The following FMNL2 variants were observed in gnomAD, a reference collection of about 807,000 sequenced individuals.
The protein encoded by FMNL2 is formin like 2, also known as formin-like protein 2.
FMNL2 carries 51 observed loss-of-function variants against 130.2 expected under a neutral mutation model. The observed-to-expected ratio is 0.39, with a 90% confidence interval of 0.31 to 0.49. The LOEUF (loss-of-function observed/expected upper bound fraction) is 0.49, where lower values mean the gene tolerates loss of function less well. Ranked by LOEUF, FMNL2 falls within the 20% of genes least tolerant of loss-of-function variation. The pLI is 0.85. For synonymous variants in FMNL2, 465 were observed against 467.1 expected, an observed-to-expected ratio of 1.00 and a Z score of 0.06; for missense variants, 977 against 1,316.2, an observed-to-expected ratio of 0.74 and a Z score of 3.99.
At chr2:152,390,656 A>G (rs1685059864) in intron 1 of FMNL2, 1 of 811,568 alleles carries the variant, frequency 1.2e-6, no homozygotes, top group African/African-American at 1.7e-5. Flanking sequence ...TTCCTCCCTG[A>G]ACTCTTGGGG....
chr2:152,557,933 G>A (rs1447486376), intron 4 of FMNL2, among the ~76,000 whole-genome samples: 1 of 152,134 alleles, frequency 6.6e-6, no homozygotes, highest in Non-Finnish European at 1.5e-5. Context: ...GTTTGAAGAT[G>A]AATGCACTGG....
rs571085853 is a variant in FMNL2, at chr2:152,645,811, A to C, written c.3170-1985A>C. On this transcript the variant is annotated intron_variant, in intron 25 of 25. Transcript: ENST00000288670. ...TCTTGGCCTTTGAGTTACTCAGTTA[A>C]ACCCATTTTGATCTGAAGCGACTGA... is the stretch of plus-strand genomic sequence containing the variant. 3.2e-4 allele frequency among the ~76,000 whole-genome samples: 48 copies of C among 152,280 alleles called. 1 individual carries two copies. The highest frequency in any genetic ancestry group is 6.6e-4 in the Non-Finnish European group (45 of 68,018).
chr2:152,543,329 C>T (rs1694419054), intron 3 of FMNL2, among the ~76,000 whole-genome samples: 1 of 150,854 alleles, frequency 6.6e-6, no homozygotes, highest in Admixed American at 6.6e-5. Context: ...CCATTCTCAA[C>T]AGACTCTCCC....
At chr2:152,363,856 C>T (rs1021472673) in intron 1 of FMNL2, among the ~76,000 whole-genome samples, 2 of 152,202 alleles carry the variant, frequency 1.3e-5, no homozygotes, top group African/African-American at 4.8e-5. Context: ...AGCCACTGTG[C>T]CCGACTGCAG....
At chr2:152,568,224 T>TTTTTTTTTGTTTTGTTTTTGC (rs1317082047) in intron 6 of FMNL2, among the ~76,000 whole-genome samples, 1 of 28,634 alleles carries the variant, frequency 3.5e-5, no homozygotes, top group South Asian at 1.0e-3. Flanking sequence ...GTGGGTTTTT[T>TTTTTTTTTGTTTTGTTTTTGC]TTTTTTTTTG....
intron 1 of FMNL2, among the ~76,000 whole-genome samples, chr2:152,502,481 G>C (rs898985900): frequency 2.0e-4 from 30 of 152,234 alleles, no homozygotes; most frequent in Non-Finnish European, 3.4e-4. Context: ...GAGGTCAGGA[G>C]TCTGAGACCA....
intron 1 of FMNL2, among the ~76,000 whole-genome samples, chr2:152,336,094 AAAC>A (rs1288882242): frequency 1.6e-4 from 20 of 126,294 alleles, no homozygotes; most frequent in African/African-American, 5.8e-4. Context: ...TTTTTAAAAA[AAAC>A]AAAACAAAAC....
At chr2:152,512,174 G>A (rs1299644846) in intron 1 of FMNL2, among the ~76,000 whole-genome samples, 2 of 152,066 alleles carry the variant, frequency 1.3e-5, no homozygotes, top group African/African-American at 4.8e-5. Context: ...CACAGCTCCT[G>A]GCACAGCAGT....
At chr2:152,525,768 A>G (rs1353375866) in intron 2 of FMNL2, among the ~76,000 whole-genome samples, 2 of 152,146 alleles carry the variant, frequency 1.3e-5, no homozygotes, top group Non-Finnish European at 2.9e-5. Context: ...GTCCTGATCT[A>G]GGGAAGGGGA....
chr2:152,527,410 C>T (rs1390051882), intron 2 of FMNL2, among the ~76,000 whole-genome samples: 2 of 152,066 alleles, frequency 1.3e-5, no homozygotes, highest in Non-Finnish European at 2.9e-5. Flanking sequence ...GGTTTGAAAC[C>T]AATTGATAAT....
intron 9 of FMNL2, among the ~76,000 whole-genome samples, chr2:152,582,756 A>G (rs886373737): frequency 6.6e-6 from 1 of 152,216 alleles, no homozygotes; most frequent in Non-Finnish European, 1.5e-5. Context: ...TGCAGCTCAT[A>G]TAACGCCCAA....
At position 152,483,990 on chromosome 2, in the gene FMNL2, A is replaced by T. The variant is rs575682114; in HGVS notation, c.118-37953A>T. Among the ~76,000 whole-genome samples the T allele has an allele frequency of 2.6e-5, 4 of 152,330 alleles. No individual in the cohort carries two copies. The East Asian group carries it at 7.7e-4, about 29-fold the overall frequency. ...TTTGTATAGGGTGCAGATGTTAGTC[A>T]TTAGTGCTTAATGTATGCTGAGATG... On this transcript the variant is annotated intron_variant, in intron 1 of 25. Coordinates refer to ENST00000288670, the MANE Select transcript of FMNL2 (RefSeq NM_052905.4).
rs140905941 is a variant in FMNL2 at position 152,485,220 on chromosome 2, C to T, written c.118-36723C>T. 7.0e-3 allele frequency among the ~76,000 whole-genome samples: 1,059 copies of T among 152,204 alleles called. 4 individuals carry two copies. Among genetic ancestry groups the T allele is most frequent in the Non-Finnish European group, 0.011 (762 of 67,996 alleles). ...AAAATTAGCCATGCATGGCCGGGCA[C>T]GGTGGCTCACGCCTGTAATCCCAGC... On this transcript the variant is annotated intron_variant, in intron 1 of 25. Coordinates refer to ENST00000288670, the MANE Select transcript of FMNL2 (RefSeq NM_052905.4).
chr2:152,385,029 T>C (rs181608917), intron 1 of FMNL2, among the ~76,000 whole-genome samples: 105 of 152,316 alleles, frequency 6.9e-4, no homozygotes, highest in Admixed American at 2.6e-4. Flanking sequence ...ATGCTCCCTA[T>C]CTTTGTCTAA....
rs184238175 is a variant in FMNL2, at chr2:152,430,153, A to G, written c.118-91790A>G. Among the ~76,000 whole-genome samples the G allele has an allele frequency of 2.1e-3, 318 of 152,356 alleles. 2 individuals are homozygous for G. Among genetic ancestry groups the G allele is most frequent in the African/African-American group, 7.5e-3 (310 of 41,588 alleles). On this transcript the variant is annotated intron_variant, in intron 1 of 25. Transcript: ENST00000288670. Reference sequence around the variant, plus strand: ...TTTATAATACTGGTTTTATCAAATTATGACTAATTATCCCTTCACTTGCAA... The same window carrying G: ...TTTATAATACTGGTTTTATCAAATTGTGACTAATTATCCCTTCACTTGCAA...
At chr2:152,383,556 A>G (rs1684613506) in intron 1 of FMNL2, among the ~76,000 whole-genome samples, 1 of 152,020 alleles carries the variant, frequency 6.6e-6, no homozygotes, top group Non-Finnish European at 1.5e-5. Context: ...GCAACATAAT[A>G]AGACCCTGTT....
intron 1 of FMNL2, among the ~76,000 whole-genome samples, chr2:152,379,902 G>A (rs1684369522): frequency 6.6e-6 from 1 of 152,212 alleles, no homozygotes. Context: ...AGTAGTGAAA[G>A]CTATAGAAAG....
intron 1 of FMNL2, among the ~76,000 whole-genome samples, chr2:152,476,608 T>A (rs574739117): frequency 6.6e-6 from 1 of 151,872 alleles, no homozygotes; most frequent in East Asian, 1.9e-4. Context: ...GGGAGGATCA[T>A]TTGAACCCTG....
rs1480069461 is a variant in FMNL2, at chr2:152,619,230, T to G, written c.1627+72T>G. 2.7e-6 allele frequency: 4 copies of G among 1,470,742 alleles called. No homozygotes were observed. In the South Asian group the frequency reaches 4.4e-5, roughly 16 times the overall value. The allele number at this position is 1,470,742 out of a possible 1,614,324, so 91.1% of individuals were successfully genotyped here. On this transcript the variant is annotated intron_variant, in intron 14 of 25. Transcript: ENST00000288670. ...ATTTCTTCTTTTGCCAACTGTCCACTTCTGTCCTTTGTCCGTTTTTGTTGG... is the reference window on the plus strand; with the variant it reads ...ATTTCTTCTTTTGCCAACTGTCCACGTCTGTCCTTTGTCCGTTTTTGTTGG...
Sources: allele counts gnomAD v4.1 joint callset (sites outside exome capture counted in the v4.1 genomes callset), GRCh38; gene constraint gnomAD v4.1.1; transcripts MANE v1.5; gene names NCBI Gene and HGNC (gene_info 2026-07-23, HGNC 2026-07-21).